RNF2: variants seen among roughly 807,000 people sequenced by gnomAD.
The protein encoded by RNF2 is E3 ubiquitin-protein ligase RING2.
A neutral mutation model predicts 37.2 loss-of-function variants in RNF2; 6 were observed. The ratio of observed to expected loss-of-function variants is 0.16; its 90% CI spans 0.09 to 0.32. The LOEUF (loss-of-function observed/expected upper bound fraction) is 0.32. Among genes scored for constraint, RNF2 ranks in the 10% least tolerant of loss-of-function variants. RNF2 has a pLI of 1.00. For missense variants in RNF2, 251 were observed against 404.0 expected (o/e 0.62, Z 3.25); for synonymous variants, 133 against 132.7 (o/e 1.00, Z -0.02).
chr1:185,085,810 C>A (rs1046621148), intron 1 of RNF2, among the ~76,000 whole-genome samples: 5 of 152,144 alleles, frequency 3.3e-5, no homozygotes, highest in African/African-American at 1.2e-4. Flanking sequence ...CGCACCACCA[C>A]ACCCGGCTAA....
At chr1:185,083,058 T>C (rs1379378072) in intron 1 of RNF2, among the ~76,000 whole-genome samples, 2 of 152,218 alleles carry the variant, frequency 1.3e-5, no homozygotes, top group African/African-American at 2.4e-5. Context: ...ACTAGAGTCA[T>C]CTTCAAAGCA....
chr1:185,083,935 T>C (rs1224438241), intron 1 of RNF2, among the ~76,000 whole-genome samples: 1 of 142,588 alleles, frequency 7.0e-6, no homozygotes, highest in African/African-American at 2.7e-5. Flanking sequence ...TTAAGTCTTT[T>C]CCTTAAAAAA....
chr1:185,053,457 C>T (rs1053706107), intron 1 of RNF2, among the ~76,000 whole-genome samples: 6 of 152,096 alleles, frequency 3.9e-5, no homozygotes, highest in African/African-American at 1.4e-4. Flanking sequence ...GCCTCAGCCG[C>T]CTTTGTAGCT....
At chr1:185,063,522 C>T (rs1650674050) in intron 1 of RNF2, among the ~76,000 whole-genome samples, 1 of 152,106 alleles carries the variant, frequency 6.6e-6, no homozygotes, top group Admixed American at 6.5e-5. Context: ...TTTTTGTCAC[C>T]TTCTCCCACT....
chr1:185,095,695 C>T (rs1651891654), intron 4 of RNF2, among the ~76,000 whole-genome samples: 1 of 152,110 alleles, frequency 6.6e-6, no homozygotes, highest in Non-Finnish European at 1.5e-5. Flanking sequence ...TAAGTTCTTC[C>T]TTTATATTGA....
chr1:185,098,814 C>T (rs570259400), intron 5 of RNF2, among the ~76,000 whole-genome samples: 2 of 151,774 alleles, frequency 1.3e-5, no homozygotes, highest in African/African-American at 4.8e-5. Flanking sequence ...TGCAGTGGCG[C>T]GATCTCGGCT....
chr1:185,082,345 C>CTTTTTTTTTTTTTTTTTGTTTTTTT (rs1651444826), intron 1 of RNF2, among the ~76,000 whole-genome samples: 1 of 71,998 alleles, frequency 1.4e-5, no homozygotes, highest in Non-Finnish European at 2.9e-5. Flanking sequence ...CTCTGCAGAA[C>CTTTTTTTTTTTTTTTTTGTTTTTTT]TTTTTTTTTT....
At chr1:185,057,545 A>T (rs184621980) in intron 1 of RNF2, among the ~76,000 whole-genome samples, 1 of 152,102 alleles carries the variant, frequency 6.6e-6, no homozygotes, top group East Asian at 1.9e-4. Context: ...CCGTAAGTTT[A>T]CCTTTCCAAG....
At chr1:185,073,073 TTTAC>T (rs1286636802) in intron 1 of RNF2, among the ~76,000 whole-genome samples, 1 of 151,976 alleles carries the variant, frequency 6.6e-6, no homozygotes, top group African/African-American at 2.4e-5. Context: ...TTTTTTTTTT[TTTAC>T]TTAATGTGTG....
intron 1 of RNF2, among the ~76,000 whole-genome samples, chr1:185,082,239 T>C (rs1651437028): frequency 6.6e-6 from 1 of 152,076 alleles, no homozygotes; most frequent in Admixed American, 6.6e-5. Flanking sequence ...TCTAGTGTAG[T>C]TATAAGAGGA....
intron 1 of RNF2, among the ~76,000 whole-genome samples, chr1:185,061,367 A>AG (rs1225206310): frequency 6.6e-6 from 1 of 151,890 alleles, no homozygotes; most frequent in Non-Finnish European, 1.5e-5. Flanking sequence ...ATCTCTTAAA[A>AG]GGGGAAAAAA....
chr1:185,086,065 A>G (rs2102192908), intron 1 of RNF2, among the ~76,000 whole-genome samples: 1 of 152,208 alleles, frequency 6.6e-6, no homozygotes, highest in East Asian at 1.9e-4. Flanking sequence ...ATCTGTATTA[A>G]TATATTTTTT....
At chr1:185,095,865 T>C (rs1651896850) in intron 4 of RNF2, among the ~76,000 whole-genome samples, 1 of 152,238 alleles carries the variant, frequency 6.6e-6, no homozygotes, top group African/African-American at 2.4e-5. Flanking sequence ...ATATTCACAT[T>C]CCTCATTTCT....
intron 1 of RNF2, among the ~76,000 whole-genome samples, chr1:185,086,938 G>A (rs1283403164): frequency 1.3e-5 from 2 of 152,140 alleles, no homozygotes; most frequent in Non-Finnish European, 2.9e-5. Context: ...TATACATTCA[G>A]CAGTAATTAA....
intron 1 of RNF2, 85 bp from the exon 2 acceptor site, chr1:185,087,467 G>A: frequency 9.0e-7 from 1 of 1,116,354 alleles, no homozygotes; most frequent in Non-Finnish European, 1.4e-6. Context: ...TTTCAACGTA[G>A]GAATTTTGGT....
At chr1:185,054,064 G>T (rs1258734288) in intron 1 of RNF2, among the ~76,000 whole-genome samples, 5 of 151,864 alleles carry the variant, frequency 3.3e-5, no homozygotes, top group African/African-American at 9.7e-5. Context: ...AATGACTTTT[G>T]TATATGTGTA....
chr1:185,069,608 A>G (rs1010421491), intron 1 of RNF2, among the ~76,000 whole-genome samples: 3 of 152,202 alleles, frequency 2.0e-5, no homozygotes, highest in Non-Finnish European at 2.9e-5. Context: ...AAGGCCATGT[A>G]GATTCTGTAT....
In RNF2 at chr1:185,099,922, A is replaced by G. The variant is rs758073653; in HGVS notation, c.869A>G (p.Gln290Arg). The part of the protein sequence containing the change: ...QMNLDTASEK[Q>R]YTIYIATASG... Reference sequence around the variant, plus strand: ...AACCTTGATACAGCCAGTGAGAAGCAGTATACCATTTATATAGCAACAGCC... The same window carrying G: ...AACCTTGATACAGCCAGTGAGAAGCGGTATACCATTTATATAGCAACAGCC... The change falls in exon 6 of 7, where the codon CAG (glutamine) becomes CGG (arginine). Residue 290 changes from glutamine (Q) to arginine (R), a missense_variant. Transcript: ENST00000367510. 1.2e-6 allele frequency: 2 copies of G among 1,613,620 alleles called. No homozygotes were observed. Among genetic ancestry groups the G allele is most frequent in the East Asian group, 2.2e-5 (1 of 44,850 alleles).
At chr1:185,065,046 T>TG (rs1401857456) in intron 1 of RNF2, among the ~76,000 whole-genome samples, 1 of 152,134 alleles carries the variant, frequency 6.6e-6, no homozygotes, top group Non-Finnish European at 1.5e-5. Flanking sequence ...CTGGGTCGGG[T>TG]GGGGACTTGG....
Sources: allele counts gnomAD v4.1 joint callset (sites outside exome capture counted in the v4.1 genomes callset), GRCh38; gene constraint gnomAD v4.1.1; transcripts MANE v1.5; gene names NCBI Gene and HGNC (gene_info 2026-07-23, HGNC 2026-07-21).